Variants in CLIC6 observed in about 807,000 individuals in gnomAD.
CLIC6 encodes the protein chloride intracellular channel protein 6.
Under a neutral mutation model 49.2 loss-of-function variants are expected in CLIC6, and 39 were observed. The ratio of observed to expected loss-of-function variants is 0.79; its 90% confidence interval spans 0.61 to 1.04. CLIC6 has a LOEUF of 1.04. CLIC6 is among the 50% of genes least tolerant of loss of function. The probability of loss-of-function intolerance (pLI) is 0.00; values close to 1 mark genes in which losing one functional copy is unlikely to be tolerated. For missense variants in CLIC6, 988 were observed against 993.1 expected (o/e 0.99, Z 0.07); for synonymous variants, 446 against 433.4 (o/e 1.03, Z -0.36).
At chr21:34,713,280 A>G (rs1214331821) in intron 5 of CLIC6, among the ~76,000 whole-genome samples, 1 of 152,250 alleles carries the variant, frequency 6.6e-6, no homozygotes, top group Non-Finnish European at 1.5e-5. Context: ...AGCCTCAAAG[A>G]AATGAAAGAG....
In CLIC6 at chr21:34,707,797, G is replaced by T. The variant is rs183204510; in HGVS notation, c.1485-147G>T. On this transcript the variant is annotated intron_variant, in intron 2 of 5. Coordinates refer to ENST00000349499, the MANE Select transcript of CLIC6 (RefSeq NM_053277.3). ...GTTAATGAATGCCTTTACTTTCATCGCCAGCAAGACATTTTCATAAACCCA... is the reference window on the plus strand; with the variant it reads ...GTTAATGAATGCCTTTACTTTCATCTCCAGCAAGACATTTTCATAAACCCA... 118 of 798,782 alleles carry T rather than the reference G, an allele frequency of 1.5e-4. 2 individuals carry two copies. Among genetic ancestry groups the T allele is most frequent in the South Asian group, 1.4e-3 (75 of 53,914 alleles). 49.5% of individuals were successfully genotyped at this position (798,782 alleles called of 1,614,324 possible).
chr21:34,705,504 C>A (rs1239186146), intron 1 of CLIC6, among the ~76,000 whole-genome samples: 2 of 152,152 alleles, frequency 1.3e-5, no homozygotes, highest in African/African-American at 4.8e-5. Flanking sequence ...ACCTTCCACC[C>A]TTCAGGCTCC....
intron 1 of CLIC6, among the ~76,000 whole-genome samples, chr21:34,704,284 G>C (rs918630561): frequency 6.6e-6 from 1 of 152,022 alleles, no homozygotes; most frequent in Non-Finnish European, 1.5e-5. Flanking sequence ...CTTTATTTTT[G>C]CTGGCACATC....
chr21:34,709,676 G>A, intron 5 of CLIC6, 138 bp downstream of exon 5: 1 of 759,836 alleles, frequency 1.3e-6, no homozygotes, highest in Non-Finnish European at 2.1e-6. Context: ...TTCTGTTCGG[G>A]GCAGCCAAGC....
At chr21:34,694,810 A>G (rs545623822) in intron 1 of CLIC6, among the ~76,000 whole-genome samples, 6 of 152,204 alleles carry the variant, frequency 3.9e-5, no homozygotes, top group Non-Finnish European at 8.8e-5. Flanking sequence ...CTTTTTCTCC[A>G]TGGCATCCAT....
At chr21:34,680,940 T>A (rs80338570) in intron 1 of CLIC6, among the ~76,000 whole-genome samples, 2,954 of 152,312 alleles carry the variant, frequency 0.019, 62 homozygotes, top group African/African-American at 0.051. Flanking sequence ...TTCTGAGCCC[T>A]CCAAACTGTT....
Position 34,716,862 on chromosome 21 carries a change from T to TCTCTCTCTCTCTCA in CLIC6, c.*381_*382insTCTCTCTCTCTCAC. On this transcript the variant is annotated 3_prime_UTR_variant, in exon 6 of 6. Coordinates refer to ENST00000349499, the MANE Select transcript of CLIC6 (RefSeq NM_053277.3). ...CTCTCTCTCTCTCTCTCTCTCTCTA[T>TCTCTCTCTCTCTCA]CACACACACACACACACACACACAC... is the stretch of plus-strand genomic sequence containing the variant. 3 of 131,632 alleles carry TCTCTCTCTCTCTCA rather than the reference T, an allele frequency of 2.3e-5. No individual in the cohort carries two copies. The highest frequency in any genetic ancestry group is 6.4e-5 in the African/African-American group (2 of 31,212). 8.2% of individuals were successfully genotyped at this position (131,632 alleles called of 1,614,324 possible).
intron 1 of CLIC6, among the ~76,000 whole-genome samples, chr21:34,673,516 C>T (rs966316742): frequency 2.0e-5 from 3 of 152,148 alleles, no homozygotes; most frequent in African/African-American, 7.2e-5. Flanking sequence ...GTCTCAAACT[C>T]CTGACCTCAG....
intron 1 of CLIC6, among the ~76,000 whole-genome samples, chr21:34,699,218 G>C (rs1990142933): frequency 6.6e-6 from 1 of 152,060 alleles, no homozygotes. Flanking sequence ...AGTCAGAGTA[G>C]GTAGTCAGTG....
At chr21:34,699,705 T>A (rs901826025) in intron 1 of CLIC6, among the ~76,000 whole-genome samples, 1 of 152,170 alleles carries the variant, frequency 6.6e-6, no homozygotes, top group Non-Finnish European at 1.5e-5. Context: ...ATACTAGAGG[T>A]TCGTTGCCTC....
At chr21:34,701,308 C>CAAAA (rs763844976) in intron 1 of CLIC6, among the ~76,000 whole-genome samples, 1,879 of 49,544 alleles carry the variant, frequency 0.038, 191 homozygotes, top group African/African-American at 0.095. Context: ...GGCTCCGTCT[C>CAAAA]AAAAAAAAAA....
intron 1 of CLIC6, among the ~76,000 whole-genome samples, chr21:34,678,554 T>A (rs1025425387): frequency 1.2e-4 from 19 of 152,190 alleles, no homozygotes; most frequent in Non-Finnish European, 2.8e-4. Context: ...AAAGGATAAC[T>A]GTTGTAGAAG....
chr21:34,670,004 C>A lies in CLIC6; in HGVS notation c.616C>A (p.Leu206Met). 8.3e-7 allele frequency: 1 copy of A among 1,201,756 alleles called. No individual in the cohort carries two copies. Among genetic ancestry groups the A allele is most frequent in the African/African-American group, 2.2e-5 (1 of 45,518 alleles). The allele number at this position is 1,201,756 out of a possible 1,614,324, so 74.4% of individuals were successfully genotyped here. Residue 206 changes from leucine to methionine, a missense_variant, in exon 1 of 6, where the codon CTG becomes ATG. This residue lies in a region of CLIC6 where 57 missense variants were observed against 117.6 expected (regional missense o/e 0.48). Transcript: ENST00000349499. ...AGDSVDAEGPLGDNIQAEGPA... is the reference protein window; with the variant it reads ...AGDSVDAEGPMGDNIQAEGPA... Reference sequence around the variant, plus strand: ...GGACAGCGTAGACGCGGAGGGCCCGCTGGGGGACAACATACAAGCCGAGGG... The same window carrying A: ...GGACAGCGTAGACGCGGAGGGCCCGATGGGGGACAACATACAAGCCGAGGG...
chr21:34,688,482 A>G lies in CLIC6; in HGVS notation c.1374+17720A>G, dbSNP rs192158161. Among the ~76,000 whole-genome samples, 1,070 of 152,370 alleles carry G rather than the reference A, an allele frequency of 7.0e-3. 9 individuals are homozygous for G. The highest frequency in any genetic ancestry group is 0.011 in the Non-Finnish European group (737 of 68,036). Reference sequence around the variant, plus strand: ...GCTAAGAAGCAGAGACGCCTTACAGATAGTCTGCATAGACGCCCTGTATGG... The same window carrying G: ...GCTAAGAAGCAGAGACGCCTTACAGGTAGTCTGCATAGACGCCCTGTATGG... On this transcript the variant is annotated intron_variant, in intron 1 of 5. Coordinates refer to ENST00000349499, the MANE Select transcript of CLIC6 (RefSeq NM_053277.3).
Position 34,694,270 on chromosome 21 carries a change from C to T in CLIC6, c.1375-13010C>T, listed in dbSNP as rs148173657. 7.9e-5 allele frequency among the ~76,000 whole-genome samples: 12 copies of T among 151,416 alleles called. No homozygotes were observed. In the East Asian group the frequency reaches 2.1e-3, roughly 27 times the overall value. ...TTGGGATTATAGGCGTGAGCCATCGCGCCCGGCCAAGATCTGGTTATTTTT... is the reference window on the plus strand; with the variant it reads ...TTGGGATTATAGGCGTGAGCCATCGTGCCCGGCCAAGATCTGGTTATTTTT... On this transcript the variant is annotated intron_variant, in intron 1 of 5. Coordinates refer to ENST00000349499, the MANE Select transcript of CLIC6 (RefSeq NM_053277.3).
At position 34,669,509 on chromosome 21, in the gene CLIC6, C is replaced by T. The variant is rs1381398671; in HGVS notation, c.121C>T (p.Pro41Ser). The T allele has an allele frequency of 6.5e-6, 8 of 1,239,936 alleles. No homozygotes were observed. The highest frequency in any genetic ancestry group is 8.1e-6 in the Non-Finnish European group (8 of 993,412). 76.8% of individuals were successfully genotyped at this position (1,239,936 alleles called of 1,614,324 possible). The stretch of plus-strand genomic sequence containing the variant: ...AGCCGCGGGCGGGGAGGCAGAAGGG[C>T]CGGAGGGGAGCGAGGGCGCAGAGGA... ...PGAAGGEAEGPEGSEGAEEAP... is the reference protein window; with the variant it reads ...PGAAGGEAEGSEGSEGAEEAP... Residue 41 changes from proline to serine, a missense_variant, in exon 1 of 6, where the codon CCG becomes TCG. By Grantham distance (74) the Pro-to-Ser change is moderately conservative. Transcript: ENST00000349499.
intron 1 of CLIC6, among the ~76,000 whole-genome samples, chr21:34,703,863 T>G (rs1377371623): frequency 6.6e-6 from 1 of 152,172 alleles, no homozygotes; most frequent in Admixed American, 6.5e-5. Flanking sequence ...CACCGTTTCT[T>G]TCTTTCGAGA....
chr21:34,711,383 T>A, intron 5 of CLIC6, among the ~76,000 whole-genome samples: 1 of 151,788 alleles, frequency 6.6e-6, no homozygotes, highest in Non-Finnish European at 1.5e-5. Flanking sequence ...AATAAAAAAA[T>A]TAGCTAGGTG....
At chr21:34,708,179 G>A in intron 3 of CLIC6, 110 bp downstream of exon 3, 2 of 1,297,768 alleles carry the variant, frequency 1.5e-6, no homozygotes, top group South Asian at 2.6e-5. Context: ...GCAGCCCACG[G>A]TGCTCACTTC....
Sources: allele counts gnomAD v4.1 joint callset (sites outside exome capture counted in the v4.1 genomes callset), GRCh38; gene constraint gnomAD v4.1.1; regional missense constraint gnomAD v4.1.1; transcripts MANE v1.5; gene names NCBI Gene and HGNC (gene_info 2026-07-23, HGNC 2026-07-21).